UCK1: variants seen among roughly 807,000 people sequenced by gnomAD.
UCK1 encodes cytidine monophosphokinase 1.
Under a neutral mutation model 34.0 loss-of-function variants are expected in UCK1, and 20 were observed. That is an observed-to-expected ratio of 0.59 (90% CI 0.41 to 0.86). The LOEUF (loss-of-function observed/expected upper bound fraction) is 0.86. UCK1 is among the 40% of genes least tolerant of loss of function. The pLI, the probability that UCK1 is intolerant of heterozygous loss-of-function variation, is 0.00. For synonymous variants in UCK1, 168 were observed against 155.9 expected, an observed-to-expected ratio of 1.08 and a Z score of -0.58; for missense variants, 343 against 383.6, an observed-to-expected ratio of 0.89 and a Z score of 0.88.
chr9:131,524,805 C>G lies in UCK1; in HGVS notation c.*235G>C, dbSNP rs2131971346. 3.8e-6 allele frequency: 2 copies of G among 521,380 alleles called. No individual in the cohort carries two copies. Among genetic ancestry groups the G allele is most frequent in the Non-Finnish European group, 3.4e-6 (1 of 296,294 alleles). The allele number at this position is 521,380 out of a possible 1,614,324, so 32.3% of individuals were successfully genotyped here. Reference sequence around the variant, plus strand: ...GCATTTCTCAGTGACCTAGAGGGATCTTTAAACCGCAACGAGCCTAAGTGG... The same window carrying G: ...GCATTTCTCAGTGACCTAGAGGGATGTTTAAACCGCAACGAGCCTAAGTGG... On this transcript the variant is annotated 3_prime_UTR_variant, in exon 7 of 7. Coordinates refer to ENST00000372215, the MANE Select transcript of UCK1 (RefSeq NM_031432.5).
chr9:131,526,532 T>C (rs1950610348), intron 5 of UCK1: 1 of 1,289,212 alleles, frequency 7.8e-7, no homozygotes, highest in South Asian at 1.2e-5. Flanking sequence ...GATGGAGATA[T>C]ATCAGGAAAT....
chr9:131,528,692 G>A (rs576703854), intron 5 of UCK1: 12 of 555,516 alleles, frequency 2.2e-5, no homozygotes, highest in Non-Finnish European at 2.3e-5. Context: ...GCAAGGGCCT[G>A]AGGCAGGGAG....
intron 5 of UCK1, among the ~76,000 whole-genome samples, chr9:131,526,709 G>A (rs1384311638): frequency 1.3e-5 from 2 of 152,226 alleles, no homozygotes; most frequent in African/African-American, 2.4e-5. Flanking sequence ...TGCTGCTGGC[G>A]TGTGGATTTG....
chr9:131,524,747 C>T lies in UCK1; in HGVS notation c.*293G>A. On this transcript the variant is annotated 3_prime_UTR_variant, in exon 7 of 7. Coordinates refer to ENST00000372215, the MANE Select transcript of UCK1 (RefSeq NM_031432.5). ...CCAATAATGTGCCTCACATTCCTCA[C>T]AGAAGCCTCCCAGGCTTCCTGCACA... 1 of 341,342 alleles carries T rather than the reference C, an allele frequency of 2.9e-6. No homozygotes were observed. Among genetic ancestry groups the T allele is most frequent in the Non-Finnish European group, 5.4e-6 (1 of 186,590 alleles). 21.1% of individuals were successfully genotyped at this position (341,342 alleles called of 1,614,324 possible).
Position 131,530,547 on chromosome 9 carries a change from C to A in UCK1, c.207G>T (p.Lys69Asn). The change falls in exon 2 of 7, where the codon AAG becomes AAT. Residue 69 changes from lysine to asparagine, a missense_variant. Lys to Asn is a moderately conservative substitution (Grantham distance 94, BLOSUM62 0). Transcript: ENST00000372215. Reference sequence around the variant, plus strand: ...TGGCCTTCTGCTCTGCCGTCAGGACCTTGTAGAACCTGTCCTGGCTCAGGA... The same window carrying A: ...TGGCCTTCTGCTCTGCCGTCAGGACATTGTAGAACCTGTCCTGGCTCAGGA... The part of the protein sequence containing the change: ...VVILSQDRFY[K>N]VLTAEQKAKA... 6.2e-7 allele frequency: 1 copy of A among 1,614,274 alleles called. No individual in the cohort carries two copies. The highest frequency in any genetic ancestry group is 8.5e-7 in the Non-Finnish European group (1 of 1,180,046).
At position 131,525,201 on chromosome 9, in the gene UCK1, G is replaced by A. The variant is rs1158238468; in HGVS notation, c.673C>T (p.Gln225Ter). 2 of 1,613,892 alleles carry A rather than the reference G, an allele frequency of 1.2e-6. No individual in the cohort carries two copies. Among genetic ancestry groups the A allele is most frequent in the African/African-American group, 1.3e-5 (1 of 74,942 alleles). ...CCATTCAGAATGTCCTGGATGTGCT[G>A]CACGATCAGGTTGATGGCAACTGCG... The part of the protein sequence containing the change: ...DNMVAINLIV[Q>*]HIQDILNGDI... The change falls in exon 7 of 7, where the codon CAG becomes TAG. Residue 225 changes from glutamine to a stop codon, truncating the protein, a stop_gained. Transcript: ENST00000372215. LOFTEE classifies it high-confidence loss of function.
At chr9:131,525,840 G>A (rs1401584082) in intron 6 of UCK1, 89 bp downstream of exon 6, 16 of 1,367,480 alleles carry the variant, frequency 1.2e-5, no homozygotes, top group Non-Finnish European at 1.6e-5. Flanking sequence ...GTGCGCAGGG[G>A]AGTGCTCAGT....
At chr9:131,527,220 C>A (rs1269086016) in intron 5 of UCK1, among the ~76,000 whole-genome samples, 1 of 151,368 alleles carries the variant, frequency 6.6e-6, no homozygotes, top group African/African-American at 2.4e-5. Context: ...TCTGGCTACT[C>A]AGGAGCCTGA....
rs764840697 is a variant in UCK1, at chr9:131,529,134, G to A, written c.502C>T (p.Arg168Ter). 11 of 1,613,676 alleles carry A rather than the reference G, an allele frequency of 6.8e-6. No homozygotes were observed. Among genetic ancestry groups the A allele is most frequent in the African/African-American group, 1.3e-5 (1 of 75,002 alleles). Residue 168 changes from arginine (R) to a stop codon, truncating the protein, a stop_gained, in exon 4 of 7, where the codon CGA (arginine) becomes TGA (stop). Transcript: ENST00000372215. LOFTEE classifies it high-confidence loss of function. Reference protein sequence around the residue: ...VDTDSDVRLSRRVLRDVRRGR... With the variant: ...VDTDSDVRLS ...AGGCCCGCGGCCGCCTTACCTCTTC[G>A]AGACAGCCTGACGTCGGAGTCGGTG...
Position 131,531,187 on chromosome 9 carries a change from TC to T in UCK1, c.-14del. 7.2e-7 allele frequency: 1 copy of T among 1,390,398 alleles called. No individual in the cohort carries two copies. The allele number at this position is 1,390,398 out of a possible 1,614,324, so 86.1% of individuals were successfully genotyped here. ...CCGCCGAAGCCATCTCGGCCTCCGC[TC>T]CCGCGCATCGGGTCCCCGCGCCCGC... On this transcript the variant is annotated 5_prime_UTR_variant, in exon 1 of 7. Transcript: ENST00000372215.
chr9:131,529,407 C>G, intron 3 of UCK1, 81 bp downstream of exon 3: 1 of 1,603,122 alleles, frequency 6.2e-7, no homozygotes, highest in East Asian at 2.2e-5. Context: ...GGGAGGCCTG[C>G]CGCCAGGCAG....
rs1950624565 is a variant in UCK1 at position 131,526,838 on chromosome 9, G to A, written c.604-861C>T. ...CATGAAAGCACGAGCGCAAGGGCGA[G>A]GGCTGCTTTCTATTCTAGTCTGATA... On this transcript the variant is annotated intron_variant, in intron 5 of 6. Transcript: ENST00000372215. Among the ~76,000 whole-genome samples the A allele has an allele frequency of 3.3e-5, 5 of 152,340 alleles. No homozygotes were observed. In the South Asian group the frequency reaches 1.0e-3, roughly 32 times the overall value.
At position 131,528,928 on chromosome 9, in the gene UCK1, C is replaced by T. The variant is rs199901533; in HGVS notation, c.603+16G>A. On this transcript the variant is annotated intron_variant, in intron 5 of 6. Transcript: ENST00000372215. ...TGAAAGGGGAAAATGGGCTCTGAAG[C>T]AGCGAGCACAGGTACCGGCAGGCAG... 5.6e-6 allele frequency: 9 copies of T among 1,613,462 alleles called. No homozygotes were observed. The highest frequency in any genetic ancestry group is 7.6e-6 in the Non-Finnish European group (9 of 1,179,662).
chr9:131,525,256 GCATC>G (rs766730320), intron 6 of UCK1, 35 bp from the exon 7 acceptor site: 1 of 1,611,730 alleles, frequency 6.2e-7, no homozygotes, highest in South Asian at 1.1e-5. Context: ...CGGGTTAGCC[GCATC>G]CATCCTCCGT....
rs1185767710 is a variant in UCK1, at chr9:131,529,532, GC to G, written c.320del (p.Gly107AlafsTer12). 1.2e-6 allele frequency: 2 copies of G among 1,613,998 alleles called. No individual in the cohort carries two copies. The highest frequency in any genetic ancestry group is 1.7e-5 in the Admixed American group (1 of 60,002). The stretch of plus-strand genomic sequence containing the variant: ...CATAGGTCGGCACCTCCACCGTTTT[GC>G]CCTCCACGATGTTCTTCAGAGTCCT... The part of the protein sequence containing the change: ...MHRTLKNIVE[G>X]KTVEVPTYDF... On this transcript the variant is annotated frameshift_variant, in exon 3 of 7. Coordinates refer to ENST00000372215, the MANE Select transcript of UCK1 (RefSeq NM_031432.5). LOFTEE classifies it high-confidence loss of function.
intron 5 of UCK1, chr9:131,526,655 G>C (rs1588531330): frequency 3.3e-6 from 1 of 303,330 alleles, no homozygotes; most frequent in East Asian, 1.7e-4. Context: ...GAGGGAAGAG[G>C]GAGGGCAGGG....
intron 1 of UCK1, 23 bp downstream of exon 1, chr9:131,531,044 C>G: frequency 7.4e-7 from 1 of 1,346,476 alleles, no homozygotes. Flanking sequence ...AGAGGCGAGA[C>G]CCCGGCCCGC....
chr9:131,529,292 G>A (rs1291632254), intron 3 of UCK1, 22 bp from the exon 4 acceptor site: 2 of 1,613,686 alleles, frequency 1.2e-6, no homozygotes, highest in Non-Finnish European at 1.7e-6. Context: ...ACGGGGAAAG[G>A]GGCTCTGCTG....
intron 5 of UCK1, among the ~76,000 whole-genome samples, chr9:131,527,548 C>G (rs1449802434): frequency 6.6e-6 from 1 of 151,800 alleles, no homozygotes; most frequent in Non-Finnish European, 1.5e-5. Flanking sequence ...TTTCAGACAG[C>G]ATGAATGCAA....
Sources: gnomAD v4.1 joint callset for allele counts (sites outside exome capture counted in the v4.1 genomes callset) on GRCh38, gnomAD v4.1.1 for gene constraint, MANE v1.5 for transcripts, NCBI Gene and HGNC (gene_info 2026-07-23, HGNC 2026-07-21) for gene names.